MTMR9: variants seen among roughly 807,000 people sequenced by gnomAD.
MTMR9 encodes myotubularin related protein 9, also known as myotubularin-related protein 9.
A neutral mutation model predicts 69.5 loss-of-function variants in MTMR9; 39 were observed. The observed-to-expected ratio is 0.56, with a 90% CI of 0.43 to 0.73. The LOEUF is 0.73. Among genes scored for constraint, MTMR9 ranks in the 30% least tolerant of loss-of-function variants. The pLI is 0.00. For missense variants in MTMR9, 900 were observed against 671.2 expected (o/e 1.34, Z -3.77); for synonymous variants, 354 against 240.8 (o/e 1.47, Z -4.35).
rs557521092 is a variant in MTMR9 at position 11,316,397 on chromosome 8, T to C, written c.1114-276T>C. On this transcript the variant is annotated intron_variant, in intron 7 of 9. Transcript: ENST00000221086. ...TAAGTTTATTATTGCTTAAGTTCATTATTCTTCCATGGGATATTCCAAGGG... is the reference window on the plus strand; with the variant it reads ...TAAGTTTATTATTGCTTAAGTTCATCATTCTTCCATGGGATATTCCAAGGG... 3.0e-5 allele frequency: 8 copies of C among 269,990 alleles called. No individual in the cohort carries two copies. In the East Asian group the frequency reaches 4.9e-4, roughly 17 times the overall value. The allele number at this position is 269,990 out of a possible 1,614,324, so 16.7% of individuals were successfully genotyped here. A position where few individuals can be genotyped will look rare whatever the true frequency, so the allele number is the denominator to read the frequency against.
At chr8:11,307,484 A>AT (rs1799983973) in intron 5 of MTMR9, among the ~76,000 whole-genome samples, 1 of 152,196 alleles carries the variant, frequency 6.6e-6, no homozygotes, top group African/African-American at 2.4e-5. Flanking sequence ...ACTATTGTGA[A>AT]TAGTGCTGCA....
At position 11,326,251 on chromosome 8, in the gene MTMR9, G is replaced by A. The variant is rs1207531761; in HGVS notation, c.*3463G>A. On this transcript the variant is annotated 3_prime_UTR_variant, in exon 10 of 10. Transcript: ENST00000221086. Reference sequence around the variant, plus strand: ...TTGTCATTCTAAAGTAGGTCATCAGGTTCACTTATTATCCGACCTTAATCT... The same window carrying A: ...TTGTCATTCTAAAGTAGGTCATCAGATTCACTTATTATCCGACCTTAATCT... 2 of 123,088 alleles carry A rather than the reference G, an allele frequency of 1.6e-5. No homozygotes were observed. Among genetic ancestry groups the A allele is most frequent in the South Asian group, 6.0e-4 (2 of 3,336 alleles). The allele number at this position is 123,088 out of a possible 1,614,324, so 7.6% of individuals were successfully genotyped here.
intron 5 of MTMR9, among the ~76,000 whole-genome samples, chr8:11,309,114 G>T (rs576503118): frequency 6.6e-6 from 1 of 152,336 alleles, no homozygotes; most frequent in East Asian, 1.9e-4. Context: ...GGGAGCTGTA[G>T]CTAGAAAACA....
chr8:11,324,884 C>G lies in MTMR9; in HGVS notation c.*2096C>G, dbSNP rs540838716. ...AGTAAAGAAAAAGCCAGAAGTGACT[C>G]CCACTGCTTCTGTTGATCGGCCATA... On this transcript the variant is annotated 3_prime_UTR_variant, in exon 10 of 10. Transcript: ENST00000221086. The G allele has an allele frequency of 1.3e-5, 2 of 152,436 alleles. No homozygotes were observed. Among genetic ancestry groups the G allele is most frequent in the African/African-American group, 2.4e-5 (1 of 41,556 alleles). 9.4% of individuals were successfully genotyped at this position (152,436 alleles called of 1,614,324 possible).
At chr8:11,296,152 C>T (rs1381443882) in intron 2 of MTMR9, among the ~76,000 whole-genome samples, 2 of 152,024 alleles carry the variant, frequency 1.3e-5, no homozygotes, top group Admixed American at 6.5e-5. Flanking sequence ...AACGATAGCA[C>T]AGTTTGATTC....
At chr8:11,300,572 A>G (rs917166387) in intron 3 of MTMR9, 1 of 152,178 alleles carries the variant, frequency 6.6e-6, no homozygotes, top group African/African-American at 2.4e-5. Flanking sequence ...CTAAGCACCA[A>G]TTTAAGAAGC....
chr8:11,287,967 A>G lies in MTMR9; in HGVS notation c.182+2897A>G, dbSNP rs181724662. The stretch of plus-strand genomic sequence containing the variant: ...ATATCATACGTATTATATACTATGT[A>G]TTATATATGTATTATATAATATATA... On this transcript the variant is annotated intron_variant, in intron 1 of 9. Coordinates refer to ENST00000221086, the MANE Select transcript of MTMR9 (RefSeq NM_015458.4). 9.4e-3 allele frequency among the ~76,000 whole-genome samples: 1,197 copies of G among 127,596 alleles called. 18 individuals are homozygous for G. Among genetic ancestry groups the G allele is most frequent in the African/African-American group, 0.033 (1,126 of 33,678 alleles). 83.7% of individuals were successfully genotyped at this position (127,596 alleles called of 152,430 possible). A position where few individuals can be genotyped will look rare whatever the true frequency, so the allele number is the denominator to read the frequency against.
chr8:11,296,628 T>C (rs920086440), intron 2 of MTMR9, among the ~76,000 whole-genome samples: 3 of 152,210 alleles, frequency 2.0e-5, no homozygotes, highest in African/African-American at 7.2e-5. Flanking sequence ...AGTAGAATCA[T>C]AGTACATAGT....
chr8:11,335,843 A>T, the MTMR9 span, among the ~76,000 whole-genome samples: 51 of 152,326 alleles, frequency 3.3e-4, no homozygotes, highest in East Asian at 9.3e-3. Flanking sequence ...ACTGGATTAT[A>T]TCGCACCCTA....
intron 5 of MTMR9, among the ~76,000 whole-genome samples, chr8:11,308,062 A>G (rs560594780): frequency 1.6e-4 from 24 of 152,106 alleles, no homozygotes; most frequent in East Asian, 1.4e-3. Context: ...TCATTTGTCT[A>G]TTTTTGCTTT....
downstream of MTMR9, chr8:11,331,735 A>G (rs144473988): frequency 6.2e-6 from 10 of 1,611,698 alleles, no homozygotes; most frequent in African/African-American, 4.0e-5. Flanking sequence ...CTTCTGGTCT[A>G]TCGTTCTCTG....
In MTMR9 at chr8:11,326,333, A is replaced by G. The variant is rs1563291926; in HGVS notation, c.*3545A>G. The G allele has an allele frequency of 6.6e-6, 1 of 152,240 alleles. No individual in the cohort carries two copies. The highest frequency in any genetic ancestry group is 2.1e-4 in the South Asian group (1 of 4,832). The allele number at this position is 152,240 out of a possible 1,614,324, so 9.4% of individuals were successfully genotyped here. ...AGATAGAATGAATGAAAACAACACA[A>G]GCGTTTTATGAGCACTCTTTATCAG... On this transcript the variant is annotated 3_prime_UTR_variant, in exon 10 of 10. Transcript: ENST00000221086.
rs543468447 is a variant in MTMR9, at chr8:11,327,810, G to A, written c.*5022G>A. 1 of 152,546 alleles carries A rather than the reference G, an allele frequency of 6.6e-6. No homozygotes were observed. The highest frequency in any genetic ancestry group is 2.1e-4 in the South Asian group (1 of 4,820). The allele number at this position is 152,546 out of a possible 1,614,324, so 9.4% of individuals were successfully genotyped here. ...GTACAGGTTTCCATATTGTGAACCT[G>A]TGTACGCACACACACATATACATAC... On this transcript the variant is annotated 3_prime_UTR_variant, in exon 10 of 10. Transcript: ENST00000221086.
At chr8:11,296,491 CT>C (rs1799568052) in intron 2 of MTMR9, among the ~76,000 whole-genome samples, 1 of 152,166 alleles carries the variant, frequency 6.6e-6, no homozygotes, top group Non-Finnish European at 1.5e-5. Context: ...ATCTCCAGGA[CT>C]TTTTCATCTT....
intron 3 of MTMR9, chr8:11,300,782 A>C (rs539632491): frequency 6.6e-6 from 1 of 152,318 alleles, no homozygotes; most frequent in Admixed American, 6.5e-5. Flanking sequence ...TTCAAGGTCT[A>C]TACACTGAAA....
At chr8:11,336,507 T>C in the MTMR9 span, among the ~76,000 whole-genome samples, 1 of 152,244 alleles carries the variant, frequency 6.6e-6, no homozygotes, top group Non-Finnish European at 1.5e-5. Context: ...AATACTTCTT[T>C]AGTCTTCCTT....
intron 2 of MTMR9, among the ~76,000 whole-genome samples, chr8:11,297,093 A>G (rs552264671): frequency 1.1e-4 from 16 of 152,290 alleles, no homozygotes; most frequent in African/African-American, 3.4e-4. Context: ...CTAGACTACT[A>G]TAGGAACGTT....
At chr8:11,332,128 G>T (rs1801259630), downstream of MTMR9, 1 of 1,611,570 alleles carries the variant, frequency 6.2e-7, no homozygotes, top group Non-Finnish European at 8.5e-7. Flanking sequence ...GAGTGAGATA[G>T]AACTTGGGAG....
At chr8:11,321,317 A>G in intron 9 of MTMR9, 2 of 434,922 alleles carry the variant, frequency 4.6e-6, no homozygotes, top group South Asian at 1.7e-5. Flanking sequence ...CAGTCAGTAC[A>G]GGGTTCATGA....
Sources: allele counts gnomAD v4.1 joint callset (sites outside exome capture counted in the v4.1 genomes callset), GRCh38; gene constraint gnomAD v4.1.1; transcripts MANE v1.5; gene names NCBI Gene and HGNC (gene_info 2026-07-23, HGNC 2026-07-21).